Variants in DCC observed in about 807,000 individuals in gnomAD.
DCC encodes the protein netrin receptor DCC.
A neutral mutation model predicts 172.5 loss-of-function variants in DCC; 58 were observed. That is an observed-to-expected ratio of 0.34 (90% CI 0.27 to 0.42). DCC has a LOEUF of 0.42. DCC is among the 10% of genes least tolerant of loss of function. DCC has a pLI of 1.00. For synonymous variants in DCC, 709 were observed against 644.5 expected (o/e 1.10, Z -1.52); for missense variants, 1,740 against 1,791.0 (o/e 0.97, Z 0.51).
At chr18:52,417,028 A>G (rs569557559) in intron 1 of DCC, among the ~76,000 whole-genome samples, 2 of 152,176 alleles carry the variant, frequency 1.3e-5, no homozygotes, top group South Asian at 2.1e-4. Flanking sequence ...TCCTCTCCAT[A>G]TTTAGTGCTT....
intron 1 of DCC, among the ~76,000 whole-genome samples, chr18:52,531,560 C>T (rs2032151823): frequency 6.6e-6 from 1 of 152,106 alleles, no homozygotes; most frequent in South Asian, 2.1e-4. Context: ...ATACTATCTT[C>T]CTTCTTAAAG....
chr18:52,626,889 ATG>A (rs2034583387), intron 1 of DCC, among the ~76,000 whole-genome samples: 1 of 152,192 alleles, frequency 6.6e-6, no homozygotes, highest in Non-Finnish European at 1.5e-5. Flanking sequence ...AGGACAAAAA[ATG>A]TGAGCATCTG....
At chr18:53,206,405 GTAT>G (rs1568365102) in intron 10 of DCC, among the ~76,000 whole-genome samples, 13 of 99,330 alleles carry the variant, frequency 1.3e-4, no homozygotes, top group Admixed American at 2.5e-4. Context: ...ATACATATAT[GTAT>G]TGTAACACAT....
chr18:53,059,653 T>C (rs2042466066), intron 5 of DCC, among the ~76,000 whole-genome samples: 1 of 152,144 alleles, frequency 6.6e-6, no homozygotes, highest in South Asian at 2.1e-4. Context: ...CTCTAAATAG[T>C]CATGGTACCT....
At chr18:52,409,746 A>G (rs536218225) in intron 1 of DCC, among the ~76,000 whole-genome samples, 29 of 152,172 alleles carry the variant, frequency 1.9e-4, no homozygotes, top group Non-Finnish European at 3.8e-4. Flanking sequence ...AATGTATTCA[A>G]AAAGGCTAAC....
intron 3 of DCC, 62 bp from the exon 4 acceptor site, chr18:52,923,642 AAAT>A (rs2040157181): frequency 7.6e-7 from 1 of 1,307,254 alleles, no homozygotes; most frequent in African/African-American, 1.5e-5. Flanking sequence ...AAAAAAATCA[AAAT>A]ATATCATTTA....
intron 2 of DCC, among the ~76,000 whole-genome samples, chr18:52,807,296 A>C (rs1414439448): frequency 1.3e-5 from 2 of 152,166 alleles, no homozygotes; most frequent in African/African-American, 4.8e-5. Context: ...TAGCACGGTG[A>C]GATGCCCCAT....
intron 9 of DCC, among the ~76,000 whole-genome samples, chr18:53,199,375 G>A (rs922470573): frequency 1.3e-5 from 2 of 152,168 alleles, no homozygotes; most frequent in African/African-American, 2.4e-5. Context: ...ACAGGCATAA[G>A]CCACTGCATC....
chr18:53,019,786 T>A (rs1369788368), intron 5 of DCC, among the ~76,000 whole-genome samples: 1 of 152,174 alleles, frequency 6.6e-6, no homozygotes, highest in Non-Finnish European at 1.5e-5. Context: ...TTACTTATTA[T>A]GTATGGTTGC....
At chr18:53,386,190 A>T in intron 16 of DCC, 52 bp downstream of exon 16, 1 of 1,197,950 alleles carries the variant, frequency 8.3e-7, no homozygotes, top group Non-Finnish European at 1.2e-6. Flanking sequence ...ATTTATGGTG[A>T]AAAAAGAAAA....
At chr18:53,167,669 T>C (rs566155364) in intron 8 of DCC, among the ~76,000 whole-genome samples, 1 of 152,298 alleles carries the variant, frequency 6.6e-6, no homozygotes, top group South Asian at 2.1e-4. Context: ...ATCTATATGC[T>C]AAGTGTGAAT....
chr18:53,461,321 A>G (rs2045557028), intron 24 of DCC, among the ~76,000 whole-genome samples: 2 of 151,496 alleles, frequency 1.3e-5, no homozygotes, highest in African/African-American at 2.4e-5. Flanking sequence ...TTTTGTTGCC[A>G]TTGCTTTTGG....
At chr18:53,022,728 A>G (rs1056778889) in intron 5 of DCC, among the ~76,000 whole-genome samples, 2 of 152,106 alleles carry the variant, frequency 1.3e-5, no homozygotes, top group African/African-American at 4.8e-5. Flanking sequence ...TATGATGCAG[A>G]GAATTGTCAA....
chr18:52,640,024 G>T (rs1031583452), intron 1 of DCC, among the ~76,000 whole-genome samples: 1 of 152,138 alleles, frequency 6.6e-6, no homozygotes, highest in Admixed American at 6.5e-5. Context: ...CCATGATAAA[G>T]TGGGTTTCAT....
intron 2 of DCC, among the ~76,000 whole-genome samples, chr18:52,782,896 A>G (rs1193101679): frequency 6.6e-6 from 1 of 152,106 alleles, no homozygotes; most frequent in East Asian, 1.9e-4. Context: ...CCTAGAAGAA[A>G]TGGGTGGCAG....
chr18:53,003,259 TA>T (rs1307272417), intron 5 of DCC, among the ~76,000 whole-genome samples: 1 of 152,102 alleles, frequency 6.6e-6, no homozygotes, highest in African/African-American at 2.4e-5. Context: ...ATCCTTTAAT[TA>T]AATAACGGAT....
At chr18:53,010,337 G>T (rs991285770) in intron 5 of DCC, among the ~76,000 whole-genome samples, 1 of 151,134 alleles carries the variant, frequency 6.6e-6, no homozygotes, top group African/African-American at 2.4e-5. Flanking sequence ...GTAATGCATT[G>T]TTTTTTTTCT....
chr18:53,449,757 T>C (rs1031964380), intron 22 of DCC, among the ~76,000 whole-genome samples: 1 of 152,194 alleles, frequency 6.6e-6, no homozygotes, highest in Non-Finnish European at 1.5e-5. Flanking sequence ...ATATATCTTA[T>C]GCGCCATAAA....
chr18:53,528,292 G>A (rs1302880668), intron 28 of DCC, among the ~76,000 whole-genome samples: 2 of 152,074 alleles, frequency 1.3e-5, no homozygotes, highest in Non-Finnish European at 1.5e-5. Context: ...GAGTGTGTCT[G>A]TAAATGTTTT....
Sources: gnomAD v4.1 joint callset for allele counts (sites outside exome capture counted in the v4.1 genomes callset) on GRCh38, gnomAD v4.1.1 for gene constraint, MANE v1.5 for transcripts, NCBI Gene and HGNC (gene_info 2026-07-23, HGNC 2026-07-21) for gene names.